TPGS2: variants seen among roughly 807,000 people sequenced by gnomAD.
The protein encoded by TPGS2 is tubulin polyglutamylase complex subunit 2.
A neutral mutation model predicts 31.1 loss-of-function variants in TPGS2; 26 were observed. The ratio of observed to expected loss-of-function variants is 0.84; its 90% confidence interval spans 0.61 to 1.16. The LOEUF (loss-of-function observed/expected upper bound fraction) is 1.16, where lower values mean the gene tolerates loss of function less well. Among genes scored for constraint, TPGS2 ranks in the 50% most tolerant of loss-of-function variants. TPGS2 has a pLI of 0.00. For missense variants in TPGS2, 351 were observed against 363.8 expected (o/e 0.96, Z 0.29); for synonymous variants, 130 against 136.6 (o/e 0.95, Z 0.34).
At chr18:36,812,898 A>AAC (rs1056404064) in intron 2 of TPGS2, among the ~76,000 whole-genome samples, 1 of 152,200 alleles carries the variant, frequency 6.6e-6, no homozygotes, top group African/African-American at 2.4e-5. Flanking sequence ...TCCCCCTTGC[A>AAC]ACACACACAC....
intron 3 of TPGS2, among the ~76,000 whole-genome samples, chr18:36,806,872 A>AG (rs1236796534): frequency 6.7e-6 from 1 of 149,684 alleles, no homozygotes; most frequent in East Asian, 1.9e-4. Context: ...AAAAAAAAAA[A>AG]AAAAAAAAAG....
At chr18:36,806,145 G>A (rs2045120221) in intron 3 of TPGS2, 1 of 152,186 alleles carries the variant, frequency 6.6e-6, no homozygotes, top group South Asian at 2.1e-4. Flanking sequence ...ACCATGGAAT[G>A]TCTAAGAATA....
intron 1 of TPGS2, among the ~76,000 whole-genome samples, chr18:36,823,215 G>C (rs1228163329): frequency 2.0e-5 from 3 of 152,114 alleles, no homozygotes; most frequent in Non-Finnish European, 4.4e-5. Flanking sequence ...TATTTTAGCT[G>C]TTCTATTTTC....
At position 36,800,257 on chromosome 18, in the gene TPGS2, TC is replaced by T. The variant is rs1284046530; in HGVS notation, c.436del (p.Glu146SerfsTer22). 1 of 1,614,032 alleles carries T rather than the reference TC, an allele frequency of 6.2e-7. No homozygotes were observed. The highest frequency in any genetic ancestry group is 1.7e-5 in the Admixed American group (1 of 59,992). On this transcript the variant is annotated frameshift_variant, in exon 5 of 7. Coordinates refer to ENST00000334295, the MANE Select transcript of TPGS2 (RefSeq NM_015476.4). LOFTEE classifies it high-confidence loss of function. The stretch of plus-strand genomic sequence containing the variant: ...CCCACTGCCATTGCATGAATCCAGC[TC>T]AAATATCACACTGCGAGAGTCAAAG... ...PHFDSRSVIFELDSCNGSGKV... is the reference protein window; with the variant it reads ...PHFDSRSVIFXLDSCNGSGKV...
At chr18:36,790,271 T>C (rs1033608089), downstream of TPGS2, 1 of 152,214 alleles carries the variant, frequency 6.6e-6, no homozygotes, top group African/African-American at 2.4e-5. Flanking sequence ...GGTGGTGGTA[T>C]ATGTTTTCAC....
chr18:36,816,643 CTGTTGCCCAGGCTGGAGTGCAGTTG>C (rs2045667646), intron 2 of TPGS2, among the ~76,000 whole-genome samples: 1 of 152,170 alleles, frequency 6.6e-6, no homozygotes, highest in South Asian at 2.1e-4. Flanking sequence ...GAGTCTTGCT[CTGTTGCCCAGGCTGGAGTGCAGTTG>C]TGCGATCTCA....
chr18:36,805,557 GT>G, intron 3 of TPGS2, 55 bp from the exon 4 acceptor site: 2 of 1,605,948 alleles, frequency 1.2e-6, no homozygotes, highest in Non-Finnish European at 1.7e-6. Flanking sequence ...AGTTACAATG[GT>G]TATCATGAGA....
intron 6 of TPGS2, among the ~76,000 whole-genome samples, chr18:36,785,414 T>C (rs1340336130): frequency 1.3e-5 from 2 of 152,210 alleles, no homozygotes; most frequent in African/African-American, 2.4e-5. Context: ...CATCCGTGTA[T>C]GTAGGTTCAG....
intron 2 of TPGS2, among the ~76,000 whole-genome samples, chr18:36,809,735 G>T (rs757600029): frequency 6.6e-4 from 100 of 152,156 alleles, no homozygotes; most frequent in Non-Finnish European, 7.5e-4. Flanking sequence ...GCATTGCTCT[G>T]ACATTTTGAT....
chr18:36,797,202 G>C, intron 6 of TPGS2, 152 bp from the exon 7 acceptor site: 1 of 1,438,588 alleles, frequency 7.0e-7, no homozygotes. Context: ...CTTCCTTTAA[G>C]TGGAGGTGAT....
At chr18:36,791,578 C>A (rs1464022879), downstream of TPGS2, among the ~76,000 whole-genome samples, 1 of 152,134 alleles carries the variant, frequency 6.6e-6, no homozygotes, top group Non-Finnish European at 1.5e-5. Context: ...AAGTCAATGG[C>A]TGGAAACAAA....
At chr18:36,783,120 G>C in exon 7 of TPGS2, 1 of 398,412 alleles carries the variant, frequency 2.5e-6, no homozygotes. Flanking sequence ...CATCAAAAAG[G>C]CCTAAAAGAG....
intron 3 of TPGS2, among the ~76,000 whole-genome samples, chr18:36,806,770 G>A (rs555499627): frequency 7.2e-6 from 1 of 138,262 alleles, no homozygotes; most frequent in South Asian, 2.4e-4. Flanking sequence ...AGAATCTCTT[G>A]AACCTGGGAG....
At chr18:36,780,404 CCT>C (rs2043979260), downstream of TPGS2, among the ~76,000 whole-genome samples, 7 of 152,272 alleles carry the variant, frequency 4.6e-5, no homozygotes, top group Middle Eastern at 3.4e-3. Flanking sequence ...CACTCATTGG[CCT>C]CTTATGTCAA....
In TPGS2 at chr18:36,805,367, T is replaced by C. The variant is rs370433122; in HGVS notation, c.382+7A>G. ...AAACAAAGATACCAACCTTGGTATC[T>C]TCCTACCTTCATGTGTATCGTCCTC... On this transcript the variant is annotated splice_region_variant and intron_variant, in intron 4 of 6. Transcript: ENST00000334295. 75 of 1,613,818 alleles carry C rather than the reference T, an allele frequency of 4.6e-5. No homozygotes were observed. In the African/African-American group the frequency reaches 7.7e-4, roughly 17 times the overall value.
At position 36,787,197 on chromosome 18, in the gene TPGS2, C is replaced by T. The variant is rs1315467909; in HGVS notation, c.658-4066G>A. On this transcript the variant is annotated intron_variant, in intron 6 of 6. Coordinates refer to the TPGS2 transcript ENST00000587129. The stretch of plus-strand genomic sequence containing the variant: ...AATGAGCCACAAGGTAATAGGGGGC[C>T]TTGTGTTCCTCTGTGTCAGCAGCAG... 8 of 1,116,174 alleles carry T rather than the reference C, an allele frequency of 7.2e-6. No homozygotes were observed. The South Asian group carries it at 1.9e-4, about 26-fold the overall frequency. The allele number at this position is 1,116,174 out of a possible 1,614,324, so 69.1% of individuals were successfully genotyped here.
At chr18:36,820,580 A>C (rs1284477205) in intron 1 of TPGS2, among the ~76,000 whole-genome samples, 1 of 152,178 alleles carries the variant, frequency 6.6e-6, no homozygotes, top group Non-Finnish European at 1.5e-5. Context: ...AATGGGCATA[A>C]ATTATCCTAT....
downstream of TPGS2, among the ~76,000 whole-genome samples, chr18:36,792,854 C>T (rs899555494): frequency 3.9e-5 from 6 of 152,258 alleles, no homozygotes; most frequent in Non-Finnish European, 7.3e-5. Flanking sequence ...ATCTTAGCTA[C>T]ATCGATGCAT....
In TPGS2 at chr18:36,788,403, C is replaced by T. The variant is rs1030329793; in HGVS notation, c.658-5272G>A. The stretch of plus-strand genomic sequence containing the variant: ...AACCCTCAAGTACCATCCATATCAC[C>T]GTCTCTGTCCCATGAGATGGCCTCG... On this transcript the variant is annotated intron_variant, in intron 6 of 6. Coordinates refer to the TPGS2 transcript ENST00000587129. Among the ~76,000 whole-genome samples, 18 of 152,288 alleles carry T rather than the reference C, an allele frequency of 1.2e-4. No homozygotes were observed. In the East Asian group the frequency reaches 1.7e-3, roughly 15 times the overall value.
Sources: gnomAD v4.1 joint callset for allele counts (sites outside exome capture counted in the v4.1 genomes callset) on GRCh38, gnomAD v4.1.1 for gene constraint, MANE v1.5 for transcripts, NCBI Gene and HGNC (gene_info 2026-07-23, HGNC 2026-07-21) for gene names.